THSD7B: variants seen among roughly 807,000 people sequenced by gnomAD.
The protein encoded by THSD7B is thrombospondin type-1 domain-containing protein 7B.
In THSD7B, 138 loss-of-function variants were observed where a neutral mutation model predicts 213.6. The observed-to-expected ratio is 0.65, with a 90% CI of 0.56 to 0.74. The LOEUF (loss-of-function observed/expected upper bound fraction) is 0.74. Ranked by LOEUF, THSD7B falls within the 30% of genes least tolerant of loss-of-function variation. The pLI is 0.00. For synonymous variants in THSD7B, 742 were observed against 687.0 expected (o/e 1.08, Z -1.25); for missense variants, 1,931 against 1,991.5 (o/e 0.97, Z 0.58).
At chr2:137,503,548 A>C (rs1336609962) in intron 15 of THSD7B, among the ~76,000 whole-genome samples, 2 of 152,222 alleles carry the variant, frequency 1.3e-5, no homozygotes, top group Non-Finnish European at 2.9e-5. Context: ...CATGAGAAGA[A>C]TATCAAGTGA....
At chr2:137,386,759 T>C (rs1347937842) in intron 12 of THSD7B, among the ~76,000 whole-genome samples, 1 of 152,162 alleles carries the variant, frequency 6.6e-6, no homozygotes, top group Non-Finnish European at 1.5e-5. Context: ...TGTCTGACTA[T>C]CCAAGTTTAG....
intron 1 of THSD7B, among the ~76,000 whole-genome samples, chr2:136,858,609 G>A (rs1372611706): frequency 6.6e-6 from 1 of 152,156 alleles, no homozygotes; most frequent in Non-Finnish European, 1.5e-5. Context: ...ATCTAAAATA[G>A]TGATGCCACT....
chr2:137,425,274 T>C (rs1421207709), intron 14 of THSD7B, among the ~76,000 whole-genome samples: 1 of 152,020 alleles, frequency 6.6e-6, no homozygotes, highest in Non-Finnish European at 1.5e-5. Context: ...TGGAGTGCAG[T>C]GGTGCAGTCT....
chr2:136,955,385 G>C (rs1685107280), intron 2 of THSD7B, among the ~76,000 whole-genome samples: 1 of 152,166 alleles, frequency 6.6e-6, no homozygotes, highest in Non-Finnish European at 1.5e-5. Context: ...CCTCACTCCA[G>C]AAGGGAATTG....
chr2:137,153,320 A>G (rs1219534413), intron 5 of THSD7B, among the ~76,000 whole-genome samples: 1 of 152,160 alleles, frequency 6.6e-6, no homozygotes, highest in Admixed American at 6.6e-5. Flanking sequence ...CTAATTGGCT[A>G]TATGAAATGA....
intron 12 of THSD7B, among the ~76,000 whole-genome samples, chr2:137,325,680 G>T (rs1684354744): frequency 6.6e-6 from 1 of 152,120 alleles, no homozygotes; most frequent in South Asian, 2.1e-4. Context: ...TGTAAAATAA[G>T]AATGATATAT....
chr2:136,991,635 GT>G (rs1685786324), intron 2 of THSD7B, among the ~76,000 whole-genome samples: 1 of 152,122 alleles, frequency 6.6e-6, no homozygotes, highest in Admixed American at 6.5e-5. Flanking sequence ...TAAATTGAGT[GT>G]AGTGCATCAG....
At chr2:137,566,733 T>C (rs775459965) in intron 16 of THSD7B, among the ~76,000 whole-genome samples, 2 of 152,128 alleles carry the variant, frequency 1.3e-5, no homozygotes, top group Admixed American at 6.5e-5. Flanking sequence ...ATTGGTCTGA[T>C]GTAATATAAT....
chr2:137,618,216 G>GT (rs1296908267), intron 18 of THSD7B, among the ~76,000 whole-genome samples, 176 bp from the exon 19 acceptor site: 1 of 152,084 alleles, frequency 6.6e-6, no homozygotes, highest in Non-Finnish European at 1.5e-5. Flanking sequence ...TTGTGTATTT[G>GT]TTTTTTGTTC....
chr2:137,072,712 C>T (rs912312407), intron 3 of THSD7B, among the ~76,000 whole-genome samples: 1 of 152,126 alleles, frequency 6.6e-6, no homozygotes, highest in Non-Finnish European at 1.5e-5. Context: ...CCAGTTTTTG[C>T]CCATTCAGTA....
At chr2:137,622,787 T>C (rs1232120841) in intron 20 of THSD7B, among the ~76,000 whole-genome samples, 1 of 152,136 alleles carries the variant, frequency 6.6e-6, no homozygotes, top group Non-Finnish European at 1.5e-5. Context: ...AGGAAGAAGT[T>C]GAATCCCTGA....
intron 12 of THSD7B, among the ~76,000 whole-genome samples, chr2:137,281,624 A>G (rs180687421): frequency 1.3e-5 from 2 of 150,516 alleles, no homozygotes; most frequent in African/African-American, 4.9e-5. Context: ...TCATTGTTCA[A>G]TTCCCACCTA....
chr2:136,960,459 C>G (rs1685197175), intron 2 of THSD7B, among the ~76,000 whole-genome samples: 2 of 152,112 alleles, frequency 1.3e-5, no homozygotes, highest in African/African-American at 4.8e-5. Flanking sequence ...TCTAACGTCT[C>G]TTCCCCATGT....
intron 1 of THSD7B, among the ~76,000 whole-genome samples, chr2:136,839,286 C>T (rs1682886765): frequency 6.6e-6 from 1 of 152,178 alleles, no homozygotes; most frequent in Admixed American, 6.5e-5. Flanking sequence ...CCTTCTAACT[C>T]ATGTTTCTCC....
At chr2:137,107,986 A>C (rs1432225) in intron 4 of THSD7B, among the ~76,000 whole-genome samples, 35,714 of 152,148 alleles carry the variant, frequency 0.23, 4,667 homozygotes, top group African/African-American at 0.32. Flanking sequence ...ATGCATTTAC[A>C]TCTTTAAAAG....
chr2:137,624,083 C>T (rs1332214975), intron 20 of THSD7B, among the ~76,000 whole-genome samples: 7 of 152,200 alleles, frequency 4.6e-5, no homozygotes, highest in Admixed American at 1.3e-4. Flanking sequence ...AACTATACTA[C>T]AAGGCTACAG....
chr2:137,633,942 A>T (rs1207047816), intron 20 of THSD7B, among the ~76,000 whole-genome samples: 3 of 152,182 alleles, frequency 2.0e-5, no homozygotes, highest in African/African-American at 7.2e-5. Flanking sequence ...AAATTAACTT[A>T]GATTGAACAT....
In THSD7B at chr2:137,280,910, A is replaced by G. The variant is rs1210188632; in HGVS notation, c.2500+4884A>G. Among the ~76,000 whole-genome samples the G allele has an allele frequency of 3.3e-5, 5 of 152,254 alleles. No individual in the cohort carries two copies. The East Asian group carries it at 9.6e-4, about 29-fold the overall frequency. On this transcript the variant is annotated intron_variant, in intron 12 of 27. Coordinates refer to ENST00000409968, the MANE Select transcript of THSD7B (RefSeq NM_001316349.2). ...ATTTTTTGTTTTGCTATCCACAGTAACTATTTTAAAGCTGACTTAATGGAC... is the reference window on the plus strand; with the variant it reads ...ATTTTTTGTTTTGCTATCCACAGTAGCTATTTTAAAGCTGACTTAATGGAC...
At chr2:137,596,508 A>G (rs1321229750) in intron 17 of THSD7B, among the ~76,000 whole-genome samples, 1 of 152,080 alleles carries the variant, frequency 6.6e-6, no homozygotes, top group Non-Finnish European at 1.5e-5. Flanking sequence ...ATCAAATATC[A>G]AACAATTATA....
Sources: gnomAD v4.1 joint callset for allele counts (sites outside exome capture counted in the v4.1 genomes callset) on GRCh38, gnomAD v4.1.1 for gene constraint, MANE v1.5 for transcripts, NCBI Gene and HGNC (gene_info 2026-07-23, HGNC 2026-07-21) for gene names.